The following TRPV1 variants were observed in gnomAD, a reference collection of about 807,000 sequenced individuals.
TRPV1 encodes OTRPC1.
A neutral mutation model predicts 82.3 loss-of-function variants in TRPV1; 82 were observed. That is an observed-to-expected ratio of 1.00 (90% CI 0.83 to 1.20). The LOEUF is 1.20. TRPV1 is among the 50% of genes most tolerant of loss of function. The pLI is 0.00. For missense variants in TRPV1, 1,067 were observed against 1,096.8 expected (o/e 0.97, Z 0.38); for synonymous variants, 515 against 467.7 (o/e 1.10, Z -1.30).
In TRPV1 at chr17:3,592,080, G is replaced by A. The variant is rs222749; in HGVS notation, c.271C>T (p.Pro91Ser). 94,756 of 1,611,674 alleles carry A rather than the reference G, an allele frequency of 0.059. 4,157 individuals carry two copies. The highest frequency in any genetic ancestry group is 0.24 in the East Asian group (10,970 of 44,802). Residue 91 changes from proline to serine, a missense_variant, in exon 3 of 17, where the codon CCC (proline) becomes TCC (serine). Transcript: ENST00000572705. ...ACGCGGACTTACCTGGCACCGGTGG[G>A]GCCGTCTCCTGGCCTCTGGATGGTG... ...VITIQRPGDGPTGARLLSQDS... is the reference protein window; with the variant it reads ...VITIQRPGDGSTGARLLSQDS...
At chr17:3,576,654 A>AG (rs2074932292) in intron 13 of TRPV1, among the ~76,000 whole-genome samples, 1 of 26,724 alleles carries the variant, frequency 3.7e-5, no homozygotes, top group Non-Finnish European at 1.1e-4. Context: ...TCTGTATGAG[A>AG]AAAAAAAAAA....
intron 14 of TRPV1, among the ~76,000 whole-genome samples, chr17:3,572,737 C>T (rs1233517062): frequency 6.6e-6 from 1 of 152,188 alleles, no homozygotes; most frequent in Non-Finnish European, 1.5e-5. Context: ...GATCCCAGCA[C>T]TTTGGGAGGC....
Position 3,573,692 on chromosome 17 carries a change from G to A in TRPV1, c.2044C>T (p.Leu682Phe). The A allele has an allele frequency of 5.0e-6, 8 of 1,614,054 alleles. No homozygotes were observed. Among genetic ancestry groups the A allele is most frequent in the Non-Finnish European group, 6.8e-6 (8 of 1,180,024 alleles). Residue 682 changes from leucine (L) to phenylalanine (F), a missense_variant, in exon 14 of 17, where the codon CTC (leucine) becomes TTC (phenylalanine). By Grantham distance (22) the Leu-to-Phe change is conservative (BLOSUM62 0). Transcript: ENST00000572705. ...YILLLNMLIA[L>F]MGETVNKIAQ... is the part of the protein sequence containing the mutation. ...ATCTTGTTGACAGTCTCACCCATGA[G>A]GGCGATGAGCATGTTGAGCAGGAGG...
intron 2 of TRPV1, among the ~76,000 whole-genome samples, chr17:3,604,112 C>T (rs945841897): frequency 8.6e-4 from 131 of 152,326 alleles, no homozygotes; most frequent in Middle Eastern, 3.4e-3. Flanking sequence ...AATCAGATGG[C>T]GTATGTGTCA....
chr17:3,576,653 G>GGA (rs1242903015), intron 13 of TRPV1, among the ~76,000 whole-genome samples: 1 of 41,490 alleles, frequency 2.4e-5, no homozygotes, highest in African/African-American at 7.3e-5. Flanking sequence ...CTCTGTATGA[G>GGA]AAAAAAAAAA....
Position 3,573,893 on chromosome 17 carries a change from T to C in TRPV1, c.1843A>G (p.Arg615Gly). ...DSLPSESTSH[R>G]WRGPACRPPD... The stretch of plus-strand genomic sequence containing the variant: ...GGCCTGCAGGCAGGCCCCCGCCACC[T>C]GTGCGACGTGGACTCAGACGGCAGG... Residue 615 changes from arginine to glycine, a missense_variant, in exon 14 of 17, where the codon AGG becomes GGG. Arg to Gly is a moderately radical substitution (Grantham distance 125, BLOSUM62 -2). Coordinates refer to ENST00000572705, the MANE Select transcript of TRPV1 (RefSeq NM_080704.4). 2 of 1,610,862 alleles carry C rather than the reference T, an allele frequency of 1.2e-6. No homozygotes were observed. The highest frequency in any genetic ancestry group is 1.7e-6 in the Non-Finnish European group (2 of 1,179,272).
intron 2 of TRPV1, among the ~76,000 whole-genome samples, chr17:3,594,297 T>G (rs1567673481): frequency 5.3e-5 from 8 of 151,696 alleles, no homozygotes; most frequent in Admixed American, 4.6e-4. Context: ...GCAGAAGAAA[T>G]GAGAGGCTTC....
At chr17:3,567,586 C>G (rs966819581) in intron 16 of TRPV1, among the ~76,000 whole-genome samples, 1 of 151,906 alleles carries the variant, frequency 6.6e-6, no homozygotes, top group Admixed American at 6.6e-5. Flanking sequence ...TCGCCTGCCC[C>G]TCTCGGCCTC....
At position 3,573,773 on chromosome 17, in the gene TRPV1, C is replaced by T; in HGVS notation, c.1963G>A (p.Asp655Asn). The T allele has an allele frequency of 6.2e-7, 1 of 1,613,996 alleles. No individual in the cohort carries two copies. Among genetic ancestry groups the T allele is most frequent in the Non-Finnish European group, 8.5e-7 (1 of 1,179,942 alleles). ...MGDLEFTENY[D>N]FKAVFIILLL... is the part of the protein sequence containing the mutation. ...AGGATGATGAAGACAGCCTTGAAGT[C>T]ATAGTTCTCAGTGAACTCCAGGTCG... Residue 655 changes from aspartate (D) to asparagine (N), a missense_variant, in exon 14 of 17, where the codon GAC becomes AAC. Asp to Asn is a conservative substitution (Grantham distance 23). Transcript: ENST00000572705.
intron 9 of TRPV1, among the ~76,000 whole-genome samples, chr17:3,584,346 T>C (rs2075056555): frequency 7.3e-6 from 1 of 136,456 alleles, no homozygotes; most frequent in Non-Finnish European, 1.5e-5. Context: ...GAGCTTGCAG[T>C]GAGCTGAGAT....
chr17:3,581,969 T>G, intron 10 of TRPV1, among the ~76,000 whole-genome samples: 1 of 146,266 alleles, frequency 6.8e-6, no homozygotes. Flanking sequence ...GGTGGGCGGA[T>G]CACGAGGTCA....
chr17:3,580,941 C>T (rs1179406987), intron 10 of TRPV1, among the ~76,000 whole-genome samples: 1 of 151,734 alleles, frequency 6.6e-6, no homozygotes, highest in Non-Finnish European at 1.5e-5. Flanking sequence ...ATCGCTTGAA[C>T]CCAGGAGGCA....
chr17:3,580,774 T>C (rs2074998177), intron 10 of TRPV1, among the ~76,000 whole-genome samples: 1 of 152,172 alleles, frequency 6.6e-6, no homozygotes, highest in African/African-American at 2.4e-5. Context: ...CCCAGCACTT[T>C]GGGAGGCCAA....
At chr17:3,586,956 G>C (rs190802669) in intron 8 of TRPV1, among the ~76,000 whole-genome samples, 1 of 152,066 alleles carries the variant, frequency 6.6e-6, no homozygotes, top group Admixed American at 6.6e-5. Context: ...ACTCCTTACT[G>C]CCTCAAGAGG....
At chr17:3,576,666 A>AT (rs1357194535) in intron 13 of TRPV1, among the ~76,000 whole-genome samples, 2,909 of 37,650 alleles carry the variant, frequency 0.077, 69 homozygotes, top group Non-Finnish European at 0.15. Context: ...AAAAAAAAAA[A>AT]AAATATATAT....
At chr17:3,579,038 G>C (rs2074972283) in intron 11 of TRPV1, among the ~76,000 whole-genome samples, 1 of 152,058 alleles carries the variant, frequency 6.6e-6, no homozygotes, top group Admixed American at 6.6e-5. Flanking sequence ...GGGGAAGCCG[G>C]GAGGGGGACA....
intron 16 of TRPV1, among the ~76,000 whole-genome samples, chr17:3,567,545 C>T (rs1358319967): frequency 6.6e-6 from 1 of 152,098 alleles, no homozygotes; most frequent in African/African-American, 2.4e-5. Context: ...TCCATCCCAC[C>T]CCGACTTGCT....
Position 3,573,890 on chromosome 17 carries a change from A to G in TRPV1, c.1846T>C (p.Trp616Arg), listed in dbSNP as rs200601093. The change falls in exon 14 of 17, where the codon TGG (tryptophan) becomes CGG (arginine). Residue 616 changes from tryptophan (W) to arginine (R), a missense_variant. By Grantham distance (101) the Trp-to-Arg change is moderately radical. Coordinates refer to ENST00000572705, the MANE Select transcript of TRPV1 (RefSeq NM_080704.4). ...SLPSESTSHRWRGPACRPPDS... is the reference protein window; with the variant it reads ...SLPSESTSHRRRGPACRPPDS... ...GGGGGCCTGCAGGCAGGCCCCCGCCACCTGTGCGACGTGGACTCAGACGGC... is the reference window on the plus strand; with the variant it reads ...GGGGGCCTGCAGGCAGGCCCCCGCCGCCTGTGCGACGTGGACTCAGACGGC... 936 of 1,611,310 alleles carry G rather than the reference A, an allele frequency of 5.8e-4. 1 individual carries two copies. Among genetic ancestry groups the G allele is most frequent in the Non-Finnish European group, 7.5e-4 (887 of 1,179,412 alleles).
At position 3,573,647 on chromosome 17, in the gene TRPV1, T is replaced by C. The variant is rs1567659096; in HGVS notation, c.2089A>G (p.Ile697Val). The C allele has an allele frequency of 6.2e-7, 1 of 1,610,170 alleles. No individual in the cohort carries two copies. Among genetic ancestry groups the C allele is most frequent in the Non-Finnish European group, 8.5e-7 (1 of 1,177,954 alleles). Residue 697 changes from isoleucine (I) to valine (V), a missense_variant, in exon 14 of 17, where the codon ATC becomes GTC. Physicochemically the swap from Ile to Val is conservative, Grantham distance 29. Coordinates refer to ENST00000572705, the MANE Select transcript of TRPV1 (RefSeq NM_080704.4). ...VNKIAQESKN[I>V]WKLQRAITIL... ...CACCCACCCACCTGCAGCTTCCAGA[T>C]GTTCTTGCTCTCCTGTGCGATCTTG...
Sources: gnomAD v4.1 joint callset for allele counts (sites outside exome capture counted in the v4.1 genomes callset) on GRCh38, gnomAD v4.1.1 for gene constraint, MANE v1.5 for transcripts, NCBI Gene and HGNC (gene_info 2026-07-23, HGNC 2026-07-21) for gene names.